The following AIDA variants were observed in gnomAD, a reference collection of about 807,000 sequenced individuals.
AIDA encodes axin interactor, dorsalization associated.
AIDA carries 18 observed loss-of-function variants against 42.7 expected under a neutral mutation model. The ratio of observed to expected loss-of-function variants is 0.42; its 90% CI spans 0.29 to 0.63. AIDA has a LOEUF of 0.63. Among genes scored for constraint, AIDA ranks in the 20% least tolerant of loss-of-function variants. The probability of loss-of-function intolerance (pLI) is 0.19; values close to 1 mark genes in which losing one functional copy is unlikely to be tolerated. For synonymous variants in AIDA, 104 were observed against 122.9 expected (o/e 0.85, Z 1.02); for missense variants, 250 against 354.1 (o/e 0.71, Z 2.36).
chr1:222,712,120 A>G (rs1016776338), intron 1 of AIDA, 88 bp downstream of exon 1: 10 of 1,538,290 alleles, frequency 6.5e-6, no homozygotes, highest in Non-Finnish European at 8.8e-6. Context: ...CCTTGGCTGC[A>G]GATACGGTGA....
intron 4 of AIDA, among the ~76,000 whole-genome samples, chr1:222,692,940 A>G (rs1655408081): frequency 6.6e-6 from 1 of 152,222 alleles, no homozygotes; most frequent in East Asian, 1.9e-4. Context: ...ATACATCAGC[A>G]AAACAACCAA....
chr1:222,683,974 A>T (rs575836173), intron 6 of AIDA, among the ~76,000 whole-genome samples: 1 of 152,300 alleles, frequency 6.6e-6, no homozygotes, highest in Non-Finnish European at 1.5e-5. Context: ...TAAATTTTAA[A>T]TCAGAAAAAA....
intron 1 of AIDA, among the ~76,000 whole-genome samples, chr1:222,703,431 T>C (rs1363015077): frequency 6.6e-6 from 1 of 152,048 alleles, no homozygotes; most frequent in Non-Finnish European, 1.5e-5. Context: ...ACCATTTCAC[T>C]GGGACAAACT....
chr1:222,674,876 T>C (rs917149298), intron 7 of AIDA, among the ~76,000 whole-genome samples: 2 of 152,246 alleles, frequency 1.3e-5, no homozygotes, highest in African/African-American at 4.8e-5. Context: ...TCAACATGTA[T>C]GCAAAGGTAA....
chr1:222,704,700 T>C (rs1655793821), intron 1 of AIDA, among the ~76,000 whole-genome samples: 1 of 151,990 alleles, frequency 6.6e-6, no homozygotes, highest in South Asian at 2.1e-4. Flanking sequence ...TCGGGAGTGA[T>C]GGGAATGTTC....
rs762547568 is a variant in AIDA, at chr1:222,703,145, T to C, written c.180+3A>G. 1.1e-5 allele frequency: 17 copies of C among 1,600,346 alleles called. 1 individual carries two copies. The South Asian group carries it at 1.7e-4, about 16-fold the overall frequency. On this transcript the variant is annotated splice_donor_region_variant and intron_variant, in intron 2 of 9. Transcript: ENST00000340020. The stretch of plus-strand genomic sequence containing the variant: ...GATATATCTAGAGATTATTTTATGG[T>C]ACCTTTTGTTCTTCTGTGAATTCAG...
intron 2 of AIDA, among the ~76,000 whole-genome samples, chr1:222,700,671 C>T (rs1486493334): frequency 1.3e-5 from 2 of 151,222 alleles, no homozygotes; most frequent in Non-Finnish European, 2.9e-5. Flanking sequence ...AGGAGAATGG[C>T]GTGAACCCGG....
intron 2 of AIDA, among the ~76,000 whole-genome samples, chr1:222,695,961 GCAAC>G: frequency 6.6e-6 from 1 of 152,168 alleles, no homozygotes; most frequent in African/African-American, 2.4e-5. Flanking sequence ...TAGCACTTAT[GCAAC>G]TACCACATCT....
chr1:222,687,444 T>C (rs1655230796), intron 5 of AIDA, 151 bp downstream of exon 5: 1 of 690,598 alleles, frequency 1.4e-6, no homozygotes, highest in Non-Finnish European at 2.2e-6. Context: ...AAAATAATAA[T>C]ACTGAAATAA....
Position 222,687,665 on chromosome 1 carries a change from T to G in AIDA, c.290-7A>C, listed in dbSNP as rs1655237882. On this transcript the variant is annotated splice_polypyrimidine_tract_variant and splice_region_variant and intron_variant, in intron 4 of 9. Coordinates refer to ENST00000340020, the MANE Select transcript of AIDA (RefSeq NM_022831.4). Reference sequence around the variant, plus strand: ...GTAAGAATATTCTTTAGGACTAGAATAAGAAGATAAAGAAACATGAATTCT... The same window carrying G: ...GTAAGAATATTCTTTAGGACTAGAAGAAGAAGATAAAGAAACATGAATTCT... The G allele has an allele frequency of 1.4e-6, 2 of 1,462,576 alleles. No homozygotes were observed. The highest frequency in any genetic ancestry group is 1.8e-6 in the Non-Finnish European group (2 of 1,081,540). The allele number at this position is 1,462,576 out of a possible 1,614,324, so 90.6% of individuals were successfully genotyped here.
At chr1:222,685,958 G>A (rs1206895649) in intron 6 of AIDA, among the ~76,000 whole-genome samples, 3 of 152,132 alleles carry the variant, frequency 2.0e-5, no homozygotes, top group African/African-American at 4.8e-5. Flanking sequence ...TCAGGAGTTC[G>A]AGACCAGCCT....
In AIDA at chr1:222,686,938, C is replaced by G. The variant is rs1432300826; in HGVS notation, c.452G>C (p.Arg151Thr). The G allele has an allele frequency of 1.2e-6, 2 of 1,613,408 alleles. No individual in the cohort carries two copies. Among genetic ancestry groups the G allele is most frequent in the Non-Finnish European group, 8.5e-7 (1 of 1,179,876 alleles). ...TAATAAGTGATACCTACCGGGAACT[C>G]TAGCAGGAAAAGAATCAGGAGACCC... ...GAGSPDSFPA[R>T]VPGTLLPRLP... Residue 151 changes from arginine to threonine, a missense_variant, in exon 6 of 10, where the codon AGA (arginine) becomes ACA (threonine). Coordinates refer to ENST00000340020, the MANE Select transcript of AIDA (RefSeq NM_022831.4).
chr1:222,709,203 TG>T (rs1370227241), intron 1 of AIDA, among the ~76,000 whole-genome samples: 4 of 151,948 alleles, frequency 2.6e-5, no homozygotes, highest in Admixed American at 1.3e-4. Flanking sequence ...GAGGCTGAGG[TG>T]GGTGGATCAC....
chr1:222,673,396 G>C lies in AIDA; in HGVS notation c.623C>G (p.Pro208Arg). ...GIDLTPVQDT[P>R]VASRKEDTYV... ...TGTATCTTCTTTTCTTGAAGCCACAGGAGTATCTTGCACAGGAGTTAAGTC... is the reference window on the plus strand; with the variant it reads ...TGTATCTTCTTTTCTTGAAGCCACACGAGTATCTTGCACAGGAGTTAAGTC... The change falls in exon 8 of 10, where the codon CCT (proline) becomes CGT (arginine). Residue 208 changes from proline (P) to arginine (R), a missense_variant. Pro to Arg is a moderately radical substitution (Grantham distance 103, BLOSUM62 -2). Coordinates refer to ENST00000340020, the MANE Select transcript of AIDA (RefSeq NM_022831.4). The C allele has an allele frequency of 6.2e-7, 1 of 1,608,968 alleles. No individual in the cohort carries two copies. The highest frequency in any genetic ancestry group is 8.5e-7 in the Non-Finnish European group (1 of 1,177,164).
At chr1:222,681,022 T>TA (rs915826332) in intron 6 of AIDA, among the ~76,000 whole-genome samples, 7 of 150,548 alleles carry the variant, frequency 4.6e-5, no homozygotes, top group Admixed American at 1.3e-4. Flanking sequence ...TGATAAACTA[T>TA]AAAAAAAAAG....
At chr1:222,687,750 T>A (rs941760600) in intron 4 of AIDA, 92 bp from the exon 5 acceptor site, 2 of 970,648 alleles carry the variant, frequency 2.1e-6, no homozygotes, top group Admixed American at 5.9e-5. Context: ...AATTTTATTG[T>A]GCATATTAAT....
rs1161223081 is a variant in AIDA at position 222,673,394 on chromosome 1, C to T, written c.625G>A (p.Val209Met). The part of the protein sequence containing the change: ...IDLTPVQDTP[V>M]ASRKEDTYVH... ...TATGTATCTTCTTTTCTTGAAGCCACAGGAGTATCTTGCACAGGAGTTAAG... is the reference window on the plus strand; with the variant it reads ...TATGTATCTTCTTTTCTTGAAGCCATAGGAGTATCTTGCACAGGAGTTAAG... Residue 209 changes from valine to methionine, a missense_variant, in exon 8 of 10, where the codon GTG becomes ATG. Around this residue, in one of 4 missense-constraint regions of AIDA, gnomAD observed 199 missense variants for 232.6 expected, o/e 0.86. Coordinates refer to ENST00000340020, the MANE Select transcript of AIDA (RefSeq NM_022831.4). 1.2e-6 allele frequency: 2 copies of T among 1,609,744 alleles called. No homozygotes were observed. The highest frequency in any genetic ancestry group is 2.2e-5 in the East Asian group (1 of 44,780).
chr1:222,687,156 G>A, intron 5 of AIDA, 120 bp from the exon 6 acceptor site: 1 of 1,470,150 alleles, frequency 6.8e-7, no homozygotes, highest in East Asian at 2.5e-5. Flanking sequence ...TAGGCCGGGT[G>A]TGGTGGCTCA....
rs1656116532 is a variant in AIDA at position 222,712,464 on chromosome 1, G to A, written c.-147C>T. 4.2e-6 allele frequency: 6 copies of A among 1,426,278 alleles called. No homozygotes were observed. The highest frequency in any genetic ancestry group is 1.5e-5 in the South Asian group (1 of 66,790). 88.4% of individuals were successfully genotyped at this position (1,426,278 alleles called of 1,614,324 possible). The stretch of plus-strand genomic sequence containing the variant: ...CGCCACCCGCCGAGGAGCCGCCCAA[G>A]CCCATTTGCCGCCACAGCCAAACTT... On this transcript the variant is annotated 5_prime_UTR_variant, in exon 1 of 10. Transcript: ENST00000340020.
Sources: allele counts gnomAD v4.1 joint callset (sites outside exome capture counted in the v4.1 genomes callset), GRCh38; gene constraint gnomAD v4.1.1; regional missense constraint gnomAD v4.1.1; transcripts MANE v1.5; gene names NCBI Gene and HGNC (gene_info 2026-07-23, HGNC 2026-07-21).